RANBP2: variants seen among roughly 807,000 people sequenced by gnomAD.
RANBP2 encodes the protein E3 SUMO-protein ligase RanBP2.
A neutral mutation model predicts 303.6 loss-of-function variants in RANBP2; 57 were observed. That is an observed-to-expected ratio of 0.19 (90% CI 0.15 to 0.23). The LOEUF (loss-of-function observed/expected upper bound fraction) is 0.23, where lower values mean the gene tolerates loss of function less well. Ranked by LOEUF, RANBP2 falls within the 10% of genes least tolerant of loss-of-function variation. The pLI, the probability that RANBP2 is intolerant of heterozygous loss-of-function variation, is 1.00. For missense variants in RANBP2, 3,138 were observed against 3,780.8 expected, an observed-to-expected ratio of 0.83 and a Z score of 4.46; for synonymous variants, 1,167 against 1,301.5, an observed-to-expected ratio of 0.90 and a Z score of 2.23.
chr2:108,791,946 C>G, the RANBP2 span: 15 of 824,632 alleles, frequency 1.8e-5, no homozygotes, highest in Non-Finnish European at 2.5e-5. Context: ...GAGATAGTTA[C>G]TGTGCTTATT....
At chr2:109,395,445 C>G in the RANBP2 span, among the ~76,000 whole-genome samples, 1 of 152,182 alleles carries the variant, frequency 6.6e-6, no homozygotes, top group African/African-American at 2.4e-5. Context: ...CTGGCTGCTG[C>G]AGGGATGCTG....
At chr2:109,102,923 A>C in the RANBP2 span, among the ~76,000 whole-genome samples, 1 of 152,244 alleles carries the variant, frequency 6.6e-6, no homozygotes, top group East Asian at 1.9e-4. Flanking sequence ...GGGTGCTGCA[A>C]ATGGGTGAGA....
chr2:109,204,821 T>C, the RANBP2 span, among the ~76,000 whole-genome samples: 2 of 152,248 alleles, frequency 1.3e-5, no homozygotes, highest in African/African-American at 4.8e-5. Context: ...ACTTGTTTCT[T>C]GATTCCCTGT....
At chr2:109,274,659 G>A in the RANBP2 span, among the ~76,000 whole-genome samples, 1 of 152,166 alleles carries the variant, frequency 6.6e-6, no homozygotes, top group Non-Finnish European at 1.5e-5. Context: ...ATTACTTCAC[G>A]GGGGTAGGGC....
the RANBP2 span, among the ~76,000 whole-genome samples, chr2:109,025,946 G>A: frequency 2.0e-5 from 3 of 152,124 alleles, no homozygotes; most frequent in African/African-American, 7.2e-5. Context: ...AGTCCCAGCT[G>A]ATGTCCTCAT....
the RANBP2 span, among the ~76,000 whole-genome samples, chr2:109,080,560 G>A: frequency 2.6e-5 from 4 of 152,136 alleles, no homozygotes; most frequent in Non-Finnish European, 5.9e-5. Context: ...ACCCAGGATT[G>A]GACAGGACAT....
the RANBP2 span, among the ~76,000 whole-genome samples, chr2:109,081,103 C>T: frequency 6.6e-6 from 1 of 152,238 alleles, no homozygotes; most frequent in Non-Finnish European, 1.5e-5. Context: ...ACTTCGAAGA[C>T]TAAACGTGAA....
the RANBP2 span, among the ~76,000 whole-genome samples, chr2:109,564,887 CATA>C: frequency 5.3e-5 from 8 of 152,288 alleles, no homozygotes; most frequent in East Asian, 1.9e-4. Context: ...AGACATTTCA[CATA>C]ATGTTTAAAG....
the RANBP2 span, among the ~76,000 whole-genome samples, chr2:109,289,196 C>T: frequency 7.9e-5 from 12 of 152,170 alleles, 1 homozygote; most frequent in South Asian, 2.5e-3. Context: ...AAGCCCCTTT[C>T]TCTGCTGTCA....
chr2:109,152,876 G>T, the RANBP2 span, among the ~76,000 whole-genome samples: 1 of 152,152 alleles, frequency 6.6e-6, no homozygotes, highest in Non-Finnish European at 1.5e-5. Flanking sequence ...GTAAATCTTA[G>T]TACTTGCTCC....
the RANBP2 span, among the ~76,000 whole-genome samples, chr2:109,477,490 G>A: frequency 5.3e-5 from 8 of 152,184 alleles, no homozygotes; most frequent in Admixed American, 3.9e-4. Context: ...GCCCCCTCCC[G>A]CCAGACACAT....
the RANBP2 span, among the ~76,000 whole-genome samples, chr2:109,550,954 T>C: frequency 3.9e-4 from 60 of 152,302 alleles, 1 homozygote; most frequent in African/African-American, 1.3e-3. Flanking sequence ...TAGACAGACA[T>C]ATCAAATTGG....
intron 1 of RANBP2, among the ~76,000 whole-genome samples, chr2:108,725,771 G>A (rs1053712052): frequency 3.3e-5 from 5 of 150,440 alleles, no homozygotes; most frequent in Admixed American, 6.6e-5. Flanking sequence ...GTTCCTTTAC[G>A]TGCTGTCCTG....
chr2:109,197,101 C>T, the RANBP2 span, among the ~76,000 whole-genome samples: 1 of 152,200 alleles, frequency 6.6e-6, no homozygotes, highest in Non-Finnish European at 1.5e-5. Context: ...CAAGGCAACA[C>T]AGCTAGTAGA....
chr2:109,717,595 C>T, the RANBP2 span, among the ~76,000 whole-genome samples: 1 of 143,662 alleles, frequency 7.0e-6, no homozygotes, highest in African/African-American at 2.5e-5. Context: ...AAAACAAAAA[C>T]AACAAAACAA....
At position 108,733,334 on chromosome 2, in the gene RANBP2, C is replaced by T. The variant is rs559921396; in HGVS notation, c.405+1860C>T. On this transcript the variant is annotated intron_variant, in intron 4 of 28. Coordinates refer to ENST00000283195, the MANE Select transcript of RANBP2 (RefSeq NM_006267.5). ...ATGCTGGAGTGCAGTGGTGCTACCT[C>T]GGCTCACTGCAACTTCTGCCTCCCG... 4.3e-5 allele frequency among the ~76,000 whole-genome samples: 6 copies of T among 138,548 alleles called. No homozygotes were observed. The South Asian group carries it at 6.9e-4, about 16-fold the overall frequency. 90.9% of individuals were successfully genotyped at this position (138,548 alleles called of 152,430 possible). A position where few individuals can be genotyped will look rare whatever the true frequency, so the allele number is the denominator to read the frequency against.
the RANBP2 span, among the ~76,000 whole-genome samples, chr2:109,123,311 T>C: frequency 5.1e-4 from 72 of 141,292 alleles, no homozygotes; most frequent in Non-Finnish European, 9.9e-4. Context: ...CACTGTGGCT[T>C]TTCTTTCTTT....
At chr2:109,277,556 C>T in the RANBP2 span, among the ~76,000 whole-genome samples, 2 of 152,184 alleles carry the variant, frequency 1.3e-5, no homozygotes. Context: ...GAAAGTGCCT[C>T]CCTGAGACTT....
the RANBP2 span, among the ~76,000 whole-genome samples, chr2:109,535,481 G>A: frequency 1.3e-5 from 2 of 152,266 alleles, no homozygotes; most frequent in South Asian, 4.1e-4. Flanking sequence ...GACTGTACTA[G>A]GCCAAGTGGG....
Sources: allele counts gnomAD v4.1 joint callset (sites outside exome capture counted in the v4.1 genomes callset), GRCh38; gene constraint gnomAD v4.1.1; transcripts MANE v1.5; gene names NCBI Gene and HGNC (gene_info 2026-07-23, HGNC 2026-07-21).